Variants in PRKCH observed in about 807,000 individuals in gnomAD.
The protein encoded by PRKCH is protein kinase C eta.
PRKCH carries 28 observed loss-of-function variants against 82.5 expected under a neutral mutation model. That is an observed-to-expected ratio of 0.34 (90% confidence interval 0.25 to 0.47). The LOEUF (loss-of-function observed/expected upper bound fraction) is 0.47. Ranked by LOEUF, PRKCH falls within the 20% of genes least tolerant of loss-of-function variation. The pLI, the probability that PRKCH is intolerant of heterozygous loss-of-function variation, is 1.00. For missense variants in PRKCH, 705 were observed against 881.8 expected (o/e 0.80, Z 2.54); for synonymous variants, 322 against 327.4 (o/e 0.98, Z 0.18).
chr14:61,257,647 A>ACACACACG (rs1555371878), intron 1 of PRKCH, among the ~76,000 whole-genome samples: 35 of 151,028 alleles, frequency 2.3e-4, no homozygotes, highest in Non-Finnish European at 3.8e-4. Context: ...ACACACACAC[A>ACACACACG]CACGCATACA....
intron 1 of PRKCH, among the ~76,000 whole-genome samples, chr14:61,199,304 A>G (rs1402550582): frequency 6.6e-6 from 1 of 152,178 alleles, no homozygotes; most frequent in East Asian, 1.9e-4. Context: ...TACTGACTTG[A>G]GCTGAATGAT....
At chr14:61,469,727 G>A (rs759506033) in intron 9 of PRKCH, among the ~76,000 whole-genome samples, 38 of 152,118 alleles carry the variant, frequency 2.5e-4, no homozygotes, top group Non-Finnish European at 4.3e-4. Flanking sequence ...TCTCTTCTAG[G>A]TCCGGAATTA....
At chr14:61,508,620 C>T (rs1408781927) in intron 10 of PRKCH, among the ~76,000 whole-genome samples, 1 of 152,168 alleles carries the variant, frequency 6.6e-6, no homozygotes, top group Non-Finnish European at 1.5e-5. Context: ...AGCAGTCAGT[C>T]TACCCCTCCC....
rs200703198 is a variant in PRKCH, at chr14:61,368,097, A to G, written c.364-23128A>G. 5.3e-5 allele frequency among the ~76,000 whole-genome samples: 8 copies of G among 152,072 alleles called. No homozygotes were observed. In the East Asian group the frequency reaches 1.4e-3, roughly 26 times the overall value. ...GTGTCTGAGAGCCTCATGAAATGGG[A>G]TGCAAAGTTAGGAATTTCTAAGGAG... On this transcript the variant is annotated intron_variant, in intron 1 of 13. Transcript: ENST00000332981.
intron 1 of PRKCH, among the ~76,000 whole-genome samples, chr14:61,375,667 C>T (rs1020850064): frequency 3.3e-5 from 5 of 152,078 alleles, no homozygotes; most frequent in Non-Finnish European, 1.5e-5. Flanking sequence ...TGAGAACTCA[C>T]TGACTATCAT....
rs142986095 is a variant in PRKCH, at chr14:61,484,618, G to A, written c.1279-884G>A. On this transcript the variant is annotated intron_variant, in intron 9 of 13. Transcript: ENST00000332981. Reference sequence around the variant, plus strand: ...GTACACTGCATAGTGACTTTTAAGAGTCCACTTTTACCTGCTAGGTTGAGA... The same window carrying A: ...GTACACTGCATAGTGACTTTTAAGAATCCACTTTTACCTGCTAGGTTGAGA... Among the ~76,000 whole-genome samples, 85 of 152,158 alleles carry A rather than the reference G, an allele frequency of 5.6e-4. 1 individual carries two copies. Among genetic ancestry groups the A allele is most frequent in the South Asian group, 1.2e-3 (6 of 4,820 alleles).
chr14:61,280,616 G>A lies in PRKCH; in HGVS notation c.-19+92948G>A. 6.3e-7 allele frequency: 1 copy of A among 1,581,342 alleles called. No individual in the cohort carries two copies. The highest frequency in any genetic ancestry group is 1.1e-5 in the South Asian group (1 of 87,892). On this transcript the variant is annotated intron_variant, in intron 1 of 3. Coordinates refer to the PRKCH transcript ENST00000555185. This position sits in a 1 kb window ranked among gnomAD's most constrained non-coding sequence, Gnocchi z 5.0. ...TAGGGCCCGCCGGGCTGGCGCTGGTGCCAAAGCGAGAAGGAGTCGTTGAAG... is the reference window on the plus strand; with the variant it reads ...TAGGGCCCGCCGGGCTGGCGCTGGTACCAAAGCGAGAAGGAGTCGTTGAAG...
At chr14:61,220,713 A>G (rs1239095736) in intron 1 of PRKCH, among the ~76,000 whole-genome samples, 5 of 152,244 alleles carry the variant, frequency 3.3e-5, no homozygotes, top group Non-Finnish European at 7.3e-5. Context: ...TCATAAGGAA[A>G]GAGCAGATAT....
At chr14:61,221,096 G>T (rs1383121754) in intron 1 of PRKCH, among the ~76,000 whole-genome samples, 1 of 152,110 alleles carries the variant, frequency 6.6e-6, no homozygotes, top group Non-Finnish European at 1.5e-5. Flanking sequence ...AAAGGTGGGG[G>T]TTTCAGATTA....
intron 1 of PRKCH, among the ~76,000 whole-genome samples, chr14:61,210,772 CTCTCTCTCTCTCTCTCTCTGTGTG>C (rs1344727329): frequency 2.2e-5 from 3 of 135,148 alleles, no homozygotes; most frequent in East Asian, 2.2e-4. Flanking sequence ...CTCTCTCTCT[CTCTCTCTCTCTCTCTCTCTGTGTG>C]TGTGTGTGTG....
intron 1 of PRKCH, among the ~76,000 whole-genome samples, chr14:61,343,744 G>T (rs1267973635): frequency 6.6e-6 from 1 of 152,144 alleles, no homozygotes; most frequent in Non-Finnish European, 1.5e-5. Flanking sequence ...GAAGAGTTTT[G>T]TCCATAACTT....
At chr14:61,502,349 C>T (rs984693281) in intron 10 of PRKCH, among the ~76,000 whole-genome samples, 2 of 152,088 alleles carry the variant, frequency 1.3e-5, no homozygotes, top group South Asian at 4.1e-4. Context: ...ACATGAGCCA[C>T]CATGCCCATT....
chr14:61,296,561 C>G (rs1041378488), intron 1 of PRKCH, among the ~76,000 whole-genome samples: 1 of 152,156 alleles, frequency 6.6e-6, no homozygotes, highest in Admixed American at 6.5e-5. Flanking sequence ...GTCCAAGATA[C>G]GTTCAGTAGC....
intron 1 of PRKCH, among the ~76,000 whole-genome samples, chr14:61,367,065 A>G (rs2046306190): frequency 6.6e-6 from 1 of 152,082 alleles, no homozygotes; most frequent in Non-Finnish European, 1.5e-5. Flanking sequence ...TGTGGAAGCA[A>G]TGACCCAAGG....
rs185380949 is a variant in PRKCH, at chr14:61,322,716, G to A, written c.363+252G>A. 1,700 of 467,042 alleles carry A rather than the reference G, an allele frequency of 3.6e-3. 13 individuals are homozygous for A. The highest frequency in any genetic ancestry group is 2.4e-3 in the Non-Finnish European group (643 of 263,094). The allele number at this position is 467,042 out of a possible 1,614,324, so 28.9% of individuals were successfully genotyped here. On this transcript the variant is annotated intron_variant, in intron 1 of 13. Transcript: ENST00000332981. The stretch of plus-strand genomic sequence containing the variant: ...GGACAGCGGCTTGGCCTAACGGGAA[G>A]TCGGGCAGGGGTCCAGGGCGGTCAC...
chr14:61,270,697 A>T (rs1235993959), intron 1 of PRKCH, among the ~76,000 whole-genome samples: 1 of 152,016 alleles, frequency 6.6e-6, no homozygotes, highest in Non-Finnish European at 1.5e-5. Context: ...AGGTATCATG[A>T]TGCAATGGCT....
At chr14:61,504,009 A>G (rs1440983700) in intron 10 of PRKCH, among the ~76,000 whole-genome samples, 1 of 152,196 alleles carries the variant, frequency 6.6e-6, no homozygotes, top group Non-Finnish European at 1.5e-5. Context: ...GGGTTCAATT[A>G]ACAACACATT....
intron 1 of PRKCH, among the ~76,000 whole-genome samples, chr14:61,292,328 T>A (rs1209784009): frequency 2.1e-5 from 3 of 144,078 alleles, no homozygotes; most frequent in South Asian, 2.2e-4. Flanking sequence ...AAAAAAAAAA[T>A]TTAATTAGCC....
At chr14:61,535,787 G>C (rs1043938511) in intron 12 of PRKCH, among the ~76,000 whole-genome samples, 4 of 152,234 alleles carry the variant, frequency 2.6e-5, no homozygotes, top group African/African-American at 9.6e-5. Context: ...TGCTGATTAA[G>C]TGACTTCTAG....
Sources: gnomAD v4.1 joint callset for allele counts (sites outside exome capture counted in the v4.1 genomes callset) on GRCh38, gnomAD v4.1.1 for gene constraint, Gnocchi (gnomAD v3.1) non-coding constraint, MANE v1.5 for transcripts, NCBI Gene and HGNC (gene_info 2026-07-23, HGNC 2026-07-21) for gene names.